Variants in RAB2A observed in about 807,000 individuals in gnomAD.
RAB2A encodes ras-related protein Rab-2A.
A neutral mutation model predicts 32.5 loss-of-function variants in RAB2A; 7 were observed. The ratio of observed to expected loss-of-function variants is 0.22; its 90% CI spans 0.12 to 0.40. The LOEUF (loss-of-function observed/expected upper bound fraction) is 0.40. Among genes scored for constraint, RAB2A ranks in the 10% least tolerant of loss-of-function variants. The pLI, the probability that RAB2A is intolerant of heterozygous loss-of-function variation, is 1.00. For synonymous variants in RAB2A, 79 were observed against 85.2 expected, an observed-to-expected ratio of 0.93 and a Z score of 0.40; for missense variants, 108 against 260.7, an observed-to-expected ratio of 0.41 and a Z score of 4.03.
chr8:60,525,259 A>C (rs957320067), intron 1 of RAB2A, among the ~76,000 whole-genome samples: 4 of 152,180 alleles, frequency 2.6e-5, no homozygotes, highest in East Asian at 1.9e-4. Flanking sequence ...GTGAGTGCTC[A>C]TGAGATCTGA....
intron 6 of RAB2A, among the ~76,000 whole-genome samples, chr8:60,598,546 C>T (rs1265878171): frequency 9.5e-6 from 1 of 105,108 alleles, no homozygotes; most frequent in African/African-American, 7.1e-5. Context: ...TGTATGTGTA[C>T]GTTTATAAAG....
chr8:60,622,047 G>A lies in RAB2A; in HGVS notation c.*1278G>A, dbSNP rs1208119020. Reference sequence around the variant, plus strand: ...CCACCTCTTTTTTAATGTATTTTTAGTCCACTTACAGCTTTTACATGGGTT... The same window carrying A: ...CCACCTCTTTTTTAATGTATTTTTAATCCACTTACAGCTTTTACATGGGTT... On this transcript the variant is annotated 3_prime_UTR_variant, in exon 8 of 8. Transcript: ENST00000262646. 1 of 151,234 alleles carries A rather than the reference G, an allele frequency of 6.6e-6. No homozygotes were observed. Among genetic ancestry groups the A allele is most frequent in the African/African-American group, 2.4e-5 (1 of 41,122 alleles). The allele number at this position is 151,234 out of a possible 1,614,324, so 9.4% of individuals were successfully genotyped here.
chr8:60,608,492 TCC>T (rs1804276035), intron 6 of RAB2A, among the ~76,000 whole-genome samples: 1 of 71,498 alleles, frequency 1.4e-5, no homozygotes. Flanking sequence ...CCTCTTCCTC[TCC>T]TTCTTCCTCT....
At chr8:60,531,693 A>G (rs1026285648) in intron 1 of RAB2A, among the ~76,000 whole-genome samples, 10 of 151,926 alleles carry the variant, frequency 6.6e-5, no homozygotes, top group Admixed American at 4.6e-4. Context: ...TCCATCTCAG[A>G]TGTCTTCATA....
At chr8:60,519,649 C>T (rs1807271230) in intron 1 of RAB2A, among the ~76,000 whole-genome samples, 1 of 152,122 alleles carries the variant, frequency 6.6e-6, no homozygotes, top group Non-Finnish European at 1.5e-5. Flanking sequence ...CTTGTATAGG[C>T]ACCTCTATTA....
intron 6 of RAB2A, among the ~76,000 whole-genome samples, chr8:60,610,129 C>T (rs537045286): frequency 6.2e-4 from 94 of 152,026 alleles, no homozygotes; most frequent in African/African-American, 2.2e-3. Context: ...TTCCCAGAAG[C>T]CTTATGCTTA....
At chr8:60,561,276 T>G (rs1808021464) in intron 2 of RAB2A, among the ~76,000 whole-genome samples, 1 of 152,224 alleles carries the variant, frequency 6.6e-6, no homozygotes, top group Non-Finnish European at 1.5e-5. Flanking sequence ...GTAGTTTCTG[T>G]TTTTCTGGTT....
At chr8:60,579,659 ACT>A (rs1438840260) in intron 3 of RAB2A, among the ~76,000 whole-genome samples, 1 of 150,366 alleles carries the variant, frequency 6.7e-6, no homozygotes. Context: ...ATGGAGTCTC[ACT>A]CTGTCACCCA....
chr8:60,563,102 T>C (rs963558299), intron 2 of RAB2A, among the ~76,000 whole-genome samples: 3 of 152,198 alleles, frequency 2.0e-5, no homozygotes, highest in African/African-American at 7.2e-5. Context: ...GTATCTTGAC[T>C]CTGCTGCATA....
chr8:60,619,791 G>A (rs760026794), intron 7 of RAB2A, among the ~76,000 whole-genome samples: 6 of 152,200 alleles, frequency 3.9e-5, no homozygotes, highest in Non-Finnish European at 7.3e-5. Context: ...GTAATGTGCT[G>A]TTGGGAGCCA....
intron 1 of RAB2A, chr8:60,552,477 A>G (rs1189207978): frequency 1.3e-5 from 2 of 152,128 alleles, no homozygotes; most frequent in African/African-American, 4.8e-5. Context: ...AAAATTCTCT[A>G]TATTTTCTTC....
At chr8:60,617,704 C>T (rs965150451) in intron 6 of RAB2A, among the ~76,000 whole-genome samples, 1 of 152,032 alleles carries the variant, frequency 6.6e-6, no homozygotes, top group South Asian at 2.1e-4. Flanking sequence ...GAGATTGCGC[C>T]GCTGCACTCC....
intron 5 of RAB2A, among the ~76,000 whole-genome samples, chr8:60,587,065 C>A (rs893953697): frequency 2.0e-5 from 3 of 151,960 alleles, no homozygotes; most frequent in African/African-American, 7.3e-5. Flanking sequence ...ATAGCCAAAT[C>A]AACTTTGACA....
chr8:60,522,399 TAC>T (rs1403633680), intron 1 of RAB2A, among the ~76,000 whole-genome samples: 20 of 152,332 alleles, frequency 1.3e-4, no homozygotes, highest in African/African-American at 4.8e-4. Flanking sequence ...GTCCCAAGAC[TAC>T]ACACTTAACC....
chr8:60,531,824 C>T (rs889983712), intron 1 of RAB2A, among the ~76,000 whole-genome samples: 7 of 137,126 alleles, frequency 5.1e-5, no homozygotes, highest in Admixed American at 7.5e-5. Flanking sequence ...TTTTTTAACA[C>T]GGATTTTCGC....
intron 6 of RAB2A, among the ~76,000 whole-genome samples, chr8:60,617,069 T>C (rs1378146128): frequency 1.3e-5 from 2 of 152,254 alleles, no homozygotes; most frequent in Non-Finnish European, 2.9e-5. Context: ...TTTTATAGAA[T>C]GCTAATTGAA....
At chr8:60,527,957 G>A (rs1807418053) in intron 1 of RAB2A, among the ~76,000 whole-genome samples, 1 of 152,194 alleles carries the variant, frequency 6.6e-6, no homozygotes. Context: ...ATCACATACA[G>A]TCTTTTTGTA....
chr8:60,611,274 C>T (rs1804342966), intron 6 of RAB2A, among the ~76,000 whole-genome samples: 1 of 152,152 alleles, frequency 6.6e-6, no homozygotes, highest in African/African-American at 2.4e-5. Context: ...GTTCCTCTGC[C>T]TATAGGGCCA....
At chr8:60,534,821 G>C (rs554069765) in intron 1 of RAB2A, among the ~76,000 whole-genome samples, 3 of 152,136 alleles carry the variant, frequency 2.0e-5, no homozygotes, top group Non-Finnish European at 4.4e-5. Flanking sequence ...TCTGCATTAA[G>C]GAGCCTTATT....
Sources: allele counts gnomAD v4.1 joint callset (sites outside exome capture counted in the v4.1 genomes callset), GRCh38; gene constraint gnomAD v4.1.1; transcripts MANE v1.5; gene names NCBI Gene and HGNC (gene_info 2026-07-23, HGNC 2026-07-21).